The following NOL10 variants were observed in gnomAD, a reference collection of about 807,000 sequenced individuals.
The protein encoded by NOL10 is H_NH0074G24.1.
NOL10 carries 58 observed loss-of-function variants against 103.5 expected under a neutral mutation model. The observed-to-expected ratio is 0.56, with a 90% CI of 0.45 to 0.70. The LOEUF (loss-of-function observed/expected upper bound fraction) is 0.70, where lower values mean the gene tolerates loss of function less well. Ranked by LOEUF, NOL10 falls within the 30% of genes least tolerant of loss-of-function variation. The probability of loss-of-function intolerance (pLI) is 0.00; values close to 1 mark genes in which losing one functional copy is unlikely to be tolerated. For synonymous variants in NOL10, 287 were observed against 282.5 expected, an observed-to-expected ratio of 1.02 and a Z score of -0.16; for missense variants, 763 against 807.3, an observed-to-expected ratio of 0.95 and a Z score of 0.67.
At position 10,589,251 on chromosome 2, in the gene NOL10, C is replaced by T. The variant is rs1572244925; in HGVS notation, c.1636G>A (p.Glu546Lys). Residue 546 changes from glutamate (E) to lysine (K), a missense_variant, in exon 19 of 21, where the codon GAA becomes AAA. Coordinates refer to ENST00000381685, the MANE Select transcript of NOL10 (RefSeq NM_024894.4). ...EEPEGKPSDA[E>K]SSESSDDEKA... is the part of the protein sequence containing the mutation. ...TCATCATCTGAACTCTCCGAACTTT[C>T]TGCATCACTTGGTTTTCCTTCCGGC... 8 of 1,613,942 alleles carry T rather than the reference C, an allele frequency of 5.0e-6. No homozygotes were observed. The East Asian group carries it at 1.8e-4, about 36-fold the overall frequency.
intron 12 of NOL10, among the ~76,000 whole-genome samples, chr2:10,653,715 G>C (rs1679637319): frequency 6.6e-6 from 1 of 151,682 alleles, no homozygotes; most frequent in African/African-American, 2.4e-5. Flanking sequence ...TCTCCCATGA[G>C]AATCACCTCA....
At position 10,571,916 on chromosome 2, in the gene NOL10, C is replaced by A; in HGVS notation, c.*155G>T. On this transcript the variant is annotated 3_prime_UTR_variant, in exon 21 of 21. Transcript: ENST00000381685. ...GCGGGGCCAGCTTCAAAGTCCAACC[C>A]ACAAGGCACAGGTTTTCAAATCTTT... 1.1e-6 allele frequency: 1 copy of A among 911,168 alleles called. No individual in the cohort carries two copies. Among genetic ancestry groups the A allele is most frequent in the East Asian group, 2.7e-5 (1 of 37,592 alleles). The allele number at this position is 911,168 out of a possible 1,614,324, so 56.4% of individuals were successfully genotyped here.
At chr2:10,644,457 A>ACTAAC in intron 12 of NOL10, 85 bp from the exon 13 acceptor site, 2 of 953,360 alleles carry the variant, frequency 2.1e-6, no homozygotes, top group Non-Finnish European at 3.1e-6. Context: ...GAAATGCCTG[A>ACTAAC]GGAACTTCTG....
At chr2:10,590,709 C>T (rs1329671106) in intron 17 of NOL10, 1 of 152,014 alleles carries the variant, frequency 6.6e-6, no homozygotes. Context: ...TAGCTCAGGA[C>T]TGATACTAAA....
chr2:10,659,269 A>G lies in NOL10; in HGVS notation c.678-19T>C. 1 of 1,417,842 alleles carries G rather than the reference A, an allele frequency of 7.1e-7. No homozygotes were observed. The highest frequency in any genetic ancestry group is 1.2e-5 in the South Asian group (1 of 84,048). 87.8% of individuals were successfully genotyped at this position (1,417,842 alleles called of 1,614,324 possible). A position where few individuals can be genotyped will look rare whatever the true frequency, so the allele number is the denominator to read the frequency against. ...GTTTATCCTGAAAAGCAAAATATTCATGCTTCATGAATATACGGCCAAACC... is the reference window on the plus strand; with the variant it reads ...GTTTATCCTGAAAAGCAAAATATTCGTGCTTCATGAATATACGGCCAAACC... On this transcript the variant is annotated intron_variant, in intron 9 of 20. Coordinates refer to ENST00000381685, the MANE Select transcript of NOL10 (RefSeq NM_024894.4).
chr2:10,594,984 C>G (rs72775345), intron 17 of NOL10, among the ~76,000 whole-genome samples: 126 of 152,134 alleles, frequency 8.3e-4, no homozygotes, highest in Middle Eastern at 3.4e-3. Flanking sequence ...GTAACAGGCT[C>G]TATCTCAAAA....
chr2:10,650,546 A>C (rs935304918), intron 12 of NOL10, among the ~76,000 whole-genome samples: 12 of 152,104 alleles, frequency 7.9e-5, no homozygotes, highest in African/African-American at 2.9e-4. Flanking sequence ...AAGCATGCTT[A>C]TTTTTACAAT....
At position 10,620,475 on chromosome 2, in the gene NOL10, C is replaced by A. The variant is rs571289248; in HGVS notation, c.1027-13164G>T. ...ATTATCTTGGGGAGGCGGTCATGCA[C>A]GGAACTAGGAAATCCTGAAGAACGT... On this transcript the variant is annotated intron_variant, in intron 13 of 20. Coordinates refer to ENST00000381685, the MANE Select transcript of NOL10 (RefSeq NM_024894.4). 2.0e-5 allele frequency among the ~76,000 whole-genome samples: 3 copies of A among 152,212 alleles called. No homozygotes were observed. In the East Asian group the frequency reaches 5.8e-4, roughly 29 times the overall value.
intron 8 of NOL10, among the ~76,000 whole-genome samples, chr2:10,663,919 C>A (rs1387432685): frequency 6.6e-6 from 1 of 151,052 alleles, no homozygotes; most frequent in East Asian, 2.0e-4. Flanking sequence ...CCACTGCACT[C>A]CAGCCTGGGC....
At chr2:10,656,503 G>GT (rs1174919509) in intron 11 of NOL10, among the ~76,000 whole-genome samples, 1 of 152,214 alleles carries the variant, frequency 6.6e-6, no homozygotes, top group Non-Finnish European at 1.5e-5. Flanking sequence ...ACACAGCTCT[G>GT]GTCTCCAGGA....
At chr2:10,661,500 T>G (rs936257071) in intron 9 of NOL10, among the ~76,000 whole-genome samples, 1 of 152,014 alleles carries the variant, frequency 6.6e-6, no homozygotes, top group African/African-American at 2.4e-5. Flanking sequence ...GCCTCCTGGG[T>G]ACTTGGGATT....
intron 13 of NOL10, among the ~76,000 whole-genome samples, chr2:10,624,157 C>A (rs145434284): frequency 1.5e-4 from 23 of 151,752 alleles, no homozygotes; most frequent in Non-Finnish European, 3.1e-4. Context: ...ATTTCTTTCT[C>A]CAGAAGTAGA....
chr2:10,633,076 T>C (rs2148249543), intron 13 of NOL10, among the ~76,000 whole-genome samples: 1 of 152,316 alleles, frequency 6.6e-6, no homozygotes, highest in African/African-American at 2.4e-5. Context: ...CTAAGATACC[T>C]GATGCACTCA....
At chr2:10,663,964 A>T (rs1358900295) in intron 8 of NOL10, among the ~76,000 whole-genome samples, 4 of 151,838 alleles carry the variant, frequency 2.6e-5, no homozygotes, top group Non-Finnish European at 5.9e-5. Context: ...AAAAAAAAAA[A>T]ATACAAAATT....
chr2:10,643,675 G>A (rs2148279969), intron 13 of NOL10, among the ~76,000 whole-genome samples: 1 of 152,056 alleles, frequency 6.6e-6, no homozygotes, highest in East Asian at 1.9e-4. Flanking sequence ...ATAGTGAGAT[G>A]ACTTGAAGAG....
intron 6 of NOL10, 142 bp downstream of exon 6, chr2:10,671,412 T>TC: frequency 2.4e-5 from 12 of 500,094 alleles, no homozygotes; most frequent in South Asian, 6.3e-5. Flanking sequence ...TTCTTTTCTT[T>TC]TTTTTTTTTT....
At chr2:10,579,958 C>G (rs951798171) in intron 19 of NOL10, among the ~76,000 whole-genome samples, 2 of 152,194 alleles carry the variant, frequency 1.3e-5, no homozygotes, top group Non-Finnish European at 2.9e-5. Flanking sequence ...TCTGGGGTTT[C>G]TCTCAATGTA....
intron 8 of NOL10, among the ~76,000 whole-genome samples, chr2:10,663,757 G>A (rs9798203): frequency 0.11 from 16,644 of 151,924 alleles, 1,103 homozygotes; most frequent in South Asian, 0.24. Flanking sequence ...AGACCATCCT[G>A]GCTAACACAG....
At chr2:10,637,065 G>A (rs541126624) in intron 13 of NOL10, among the ~76,000 whole-genome samples, 1 of 151,820 alleles carries the variant, frequency 6.6e-6, no homozygotes, top group African/African-American at 2.4e-5. Flanking sequence ...AGTCAGGTGT[G>A]GTGGTGCGTA....
Sources: allele counts gnomAD v4.1 joint callset (sites outside exome capture counted in the v4.1 genomes callset), GRCh38; gene constraint gnomAD v4.1.1; transcripts MANE v1.5; gene names NCBI Gene and HGNC (gene_info 2026-07-23, HGNC 2026-07-21).